The following MAGI2 variants were observed in gnomAD, a reference collection of about 807,000 sequenced individuals.
MAGI2 encodes membrane-associated guanylate kinase, WW and PDZ domain-containing protein 2.
A neutral mutation model predicts 133.3 loss-of-function variants in MAGI2; 35 were observed. The observed-to-expected ratio is 0.26, with a 90% confidence interval of 0.20 to 0.35. The LOEUF (loss-of-function observed/expected upper bound fraction) is 0.35. Among genes scored for constraint, MAGI2 ranks in the 10% least tolerant of loss-of-function variants. The pLI, the probability that MAGI2 is intolerant of heterozygous loss-of-function variation, is 1.00. For missense variants in MAGI2, 1,636 were observed against 1,863.4 expected (o/e 0.88, Z 2.25); for synonymous variants, 729 against 710.6 (o/e 1.03, Z -0.41).
chr7:79,107,018 G>A (rs1191684456), intron 1 of MAGI2, among the ~76,000 whole-genome samples: 2 of 152,184 alleles, frequency 1.3e-5, no homozygotes, highest in East Asian at 3.9e-4. Flanking sequence ...GCTCTTCAAA[G>A]AGATTAATGT....
chr7:78,893,070 G>T (rs1469362056), intron 2 of MAGI2, among the ~76,000 whole-genome samples: 1 of 151,832 alleles, frequency 6.6e-6, no homozygotes. Flanking sequence ...GTGGGCAAAG[G>T]ATATGAACAG....
At chr7:78,399,970 C>CA (rs1796710458) in intron 6 of MAGI2, among the ~76,000 whole-genome samples, 1 of 151,730 alleles carries the variant, frequency 6.6e-6, no homozygotes, top group Non-Finnish European at 1.5e-5. Flanking sequence ...AAAACAAAAC[C>CA]AAAAAACCAT....
intron 21 of MAGI2, among the ~76,000 whole-genome samples, chr7:78,063,627 T>A (rs1813513017): frequency 6.6e-6 from 1 of 152,052 alleles, no homozygotes; most frequent in Admixed American, 6.6e-5. Flanking sequence ...TCTGAACACA[T>A]CTCCCTGACT....
At chr7:78,078,836 A>C in intron 21 of MAGI2, 111 bp downstream of exon 21, 1 of 1,196,670 alleles carries the variant, frequency 8.4e-7, no homozygotes, top group Non-Finnish European at 1.2e-6. Context: ...ATTGATAGCT[A>C]AATATATATT....
chr7:79,046,842 A>C (rs1474880035), intron 1 of MAGI2, among the ~76,000 whole-genome samples: 1 of 152,218 alleles, frequency 6.6e-6, no homozygotes, highest in Non-Finnish European at 1.5e-5. Context: ...AAATACTCTG[A>C]AGAAGAAATG....
At chr7:79,071,338 AC>A (rs546011140) in intron 1 of MAGI2, among the ~76,000 whole-genome samples, 1 of 151,218 alleles carries the variant, frequency 6.6e-6, no homozygotes, top group Non-Finnish European at 1.5e-5. Context: ...CTAGAGGGGC[AC>A]CCCCCCAGAT....
chr7:78,705,999 A>C (rs968713805), intron 2 of MAGI2, among the ~76,000 whole-genome samples: 8 of 152,096 alleles, frequency 5.3e-5, no homozygotes. Flanking sequence ...GTGGAAACTT[A>C]CCATAGAGTA....
intron 20 of MAGI2, among the ~76,000 whole-genome samples, chr7:78,090,219 C>T (rs117957322): frequency 8.0e-4 from 122 of 152,310 alleles, no homozygotes; most frequent in South Asian, 6.6e-3. Context: ...TACAGCTATG[C>T]CTCTCTTATA....
chr7:78,250,352 G>A (rs561138567), intron 10 of MAGI2, among the ~76,000 whole-genome samples: 20 of 152,096 alleles, frequency 1.3e-4, no homozygotes, highest in African/African-American at 4.8e-4. Context: ...GAGTGAAAAA[G>A]GGAAACACAA....
chr7:78,065,808 CT>C (rs1813746725), intron 21 of MAGI2: 1 of 447,482 alleles, frequency 2.2e-6, no homozygotes, highest in African/African-American at 2.0e-5. Context: ...AGAATAAAGA[CT>C]TTAAGTAAAG....
intron 1 of MAGI2, among the ~76,000 whole-genome samples, chr7:79,259,849 G>T (rs1415841126): frequency 6.6e-6 from 1 of 152,246 alleles, no homozygotes; most frequent in East Asian, 1.9e-4. Context: ...ATGGTGGTAA[G>T]ATAATCCTTA....
chr7:79,325,295 C>T (rs1198416226), intron 1 of MAGI2, among the ~76,000 whole-genome samples: 1 of 152,088 alleles, frequency 6.6e-6, no homozygotes, highest in Non-Finnish European at 1.5e-5. Flanking sequence ...TATCGTAACC[C>T]TCCCTTTGCT....
At chr7:78,909,602 C>CAAA (rs1237807866) in intron 2 of MAGI2, among the ~76,000 whole-genome samples, 29 of 42,150 alleles carry the variant, frequency 6.9e-4, no homozygotes, top group South Asian at 2.1e-3. Flanking sequence ...GACTCCATCT[C>CAAA]AAAAAAAAAA....
intron 12 of MAGI2, among the ~76,000 whole-genome samples, chr7:78,188,255 C>T (rs968632233): frequency 2.0e-5 from 3 of 152,084 alleles, no homozygotes; most frequent in Non-Finnish European, 2.9e-5. Context: ...AATTAGATTT[C>T]CAAATTAATT....
At chr7:78,394,000 C>T (rs924332708) in intron 6 of MAGI2, among the ~76,000 whole-genome samples, 4 of 152,036 alleles carry the variant, frequency 2.6e-5, no homozygotes, top group Admixed American at 6.6e-5. Context: ...ACCAGAAAAG[C>T]TGGCAGTGTA....
At chr7:79,209,454 A>C in intron 1 of MAGI2, among the ~76,000 whole-genome samples, 1 of 152,156 alleles carries the variant, frequency 6.6e-6, no homozygotes. Context: ...ATATAAACTT[A>C]TTTTTATCTA....
intron 6 of MAGI2, among the ~76,000 whole-genome samples, chr7:78,387,666 C>G (rs999665577): frequency 9.2e-5 from 14 of 152,160 alleles, no homozygotes; most frequent in African/African-American, 3.1e-4. Context: ...GTGTCTCACA[C>G]CTGTAATCCC....
At chr7:78,588,836 T>A (rs915812705) in intron 3 of MAGI2, among the ~76,000 whole-genome samples, 3 of 152,186 alleles carry the variant, frequency 2.0e-5, no homozygotes, top group Non-Finnish European at 4.4e-5. Flanking sequence ...TACAAACAGC[T>A]GATTAAAAAG....
chr7:78,029,591 C>T (rs1242552870), intron 21 of MAGI2, among the ~76,000 whole-genome samples: 13 of 152,350 alleles, frequency 8.5e-5, no homozygotes, highest in Middle Eastern at 3.4e-3. Flanking sequence ...GAGTCCCAAC[C>T]GCAGAGGCCC....
Sources: allele counts gnomAD v4.1 joint callset (sites outside exome capture counted in the v4.1 genomes callset), GRCh38; gene constraint gnomAD v4.1.1; transcripts MANE v1.5; gene names NCBI Gene and HGNC (gene_info 2026-07-23, HGNC 2026-07-21).